The following ABCD4 variants were observed in gnomAD, a reference collection of about 807,000 sequenced individuals.
ABCD4 encodes ATP binding cassette subfamily D member 4.
ABCD4 carries 53 observed loss-of-function variants against 86.3 expected under a neutral mutation model. The ratio of observed to expected loss-of-function variants is 0.61; its 90% CI spans 0.49 to 0.77. ABCD4 has a LOEUF of 0.77. ABCD4 is among the 30% of genes least tolerant of loss of function. ABCD4 has a pLI of 0.00. For missense variants in ABCD4, 757 were observed against 764.5 expected, an observed-to-expected ratio of 0.99 and a Z score of 0.12; for synonymous variants, 328 against 313.6, an observed-to-expected ratio of 1.05 and a Z score of -0.49.
intron 4 of ABCD4, 139 bp downstream of exon 4, chr14:74,297,791 C>G: frequency 7.1e-7 from 1 of 1,416,410 alleles, no homozygotes; most frequent in Non-Finnish European, 9.2e-7. Flanking sequence ...GCAGGGCACC[C>G]TCCCCCATGA....
chr14:74,286,523 A>C lies in ABCD4; in HGVS notation c.1759T>G (p.Ser587Ala), dbSNP rs763880299. The part of the protein sequence containing the change: ...GHRQSLEKFH[S>A]LVLKLCGGGR... ...CCTCCACAGAGTTTCAGAACCAAGG[A>C]ATGAAACTACAAGAGACCACCACCA... Residue 587 changes from serine to alanine, a missense_variant, in exon 19 of 19, where the codon TCC becomes GCC. Transcript: ENST00000356924. 6.2e-7 allele frequency: 1 copy of C among 1,614,244 alleles called. No homozygotes were observed.
chr14:74,291,954 G>A (rs955562396), intron 11 of ABCD4, among the ~76,000 whole-genome samples: 1 of 152,182 alleles, frequency 6.6e-6, no homozygotes, highest in African/African-American at 2.4e-5. Flanking sequence ...TGAGGTGGGG[G>A]AACAAAGACA....
Position 74,292,879 on chromosome 14 carries a change from A to C in ABCD4, c.815-10T>G. 6.2e-7 allele frequency: 1 copy of C among 1,614,098 alleles called. No homozygotes were observed. The highest frequency in any genetic ancestry group is 8.5e-7 in the Non-Finnish European group (1 of 1,180,018). On this transcript the variant is annotated splice_polypyrimidine_tract_variant and intron_variant, in intron 8 of 18. Coordinates refer to ENST00000356924, the MANE Select transcript of ABCD4 (RefSeq NM_005050.4). ...AAGGTGTTGATGCCGACTGTAGAAAACACATCTGTGAGACACCCAGGAACC... is the reference window on the plus strand; with the variant it reads ...AAGGTGTTGATGCCGACTGTAGAAACCACATCTGTGAGACACCCAGGAACC...
Position 74,290,379 on chromosome 14 carries a change from C to T in ABCD4, c.1239G>A (p.Glu413=), listed in dbSNP as rs1367247098. The change falls in exon 12 of 19, where the codon GAG becomes GAA. Residue 413 remains glutamate (E), a synonymous_variant. Transcript: ENST00000356924. ...LIKDLSLKIS[E]GQSLLITGNT... Reference sequence around the variant, plus strand: ...TGCCTGTGATGAGCAGGCTCTGTCCCTCGGAGATCTTTAGGCTCAGATCCT... The same window carrying T: ...TGCCTGTGATGAGCAGGCTCTGTCCTTCGGAGATCTTTAGGCTCAGATCCT... 2 of 1,614,126 alleles carry T rather than the reference C, an allele frequency of 1.2e-6. No individual in the cohort carries two copies. Among genetic ancestry groups the T allele is most frequent in the East Asian group, 2.2e-5 (1 of 44,876 alleles).
At position 74,300,179 on chromosome 14, in the gene ABCD4, A is replaced by C. The variant is rs781295883; in HGVS notation, c.128T>G (p.Phe43Cys). 1.9e-6 allele frequency: 3 copies of C among 1,613,890 alleles called. No homozygotes were observed. Reference protein sequence around the residue: ...PSWSSQNALMFLTLLCLTLLE... With the variant: ...PSWSSQNALMCLTLLCLTLLE... ...TAGGGTCAGGCACAAAAGGGTCAGG[A>C]ACATCAAGGCATTTTGTGATGACCA... is the stretch of plus-strand genomic sequence containing the variant. The change falls in exon 2 of 19, where the codon TTC becomes TGC. Residue 43 changes from phenylalanine to cysteine, a missense_variant. Phe to Cys is a radical substitution (Grantham distance 205). Transcript: ENST00000356924.
chr14:74,288,678 G>A (rs1305063220), intron 15 of ABCD4, 38 bp downstream of exon 15: 2 of 1,607,776 alleles, frequency 1.2e-6, no homozygotes, highest in African/African-American at 1.3e-5. Context: ...GGTGCTCCCA[G>A]GTGGGCTCGG....
At chr14:74,291,748 G>C (rs1002205910) in intron 11 of ABCD4, among the ~76,000 whole-genome samples, 1 of 152,182 alleles carries the variant, frequency 6.6e-6, no homozygotes, top group Non-Finnish European at 1.5e-5. Flanking sequence ...CACTGTCCAA[G>C]CACTTTCCAT....
Position 74,290,012 on chromosome 14 carries a change from CT to C in ABCD4, c.1419+14del, listed in dbSNP as rs776783911. 10 of 1,614,052 alleles carry C rather than the reference CT, an allele frequency of 6.2e-6. No individual in the cohort carries two copies. In the East Asian group the frequency reaches 1.6e-4, roughly 25 times the overall value. On this transcript the variant is annotated intron_variant, in intron 13 of 18. Transcript: ENST00000356924. ...GGTTGAGGAGGGAGGAGTGAGCCCC[CT>C]GAACTAGACTGACCTGCTCCCGAAG... is the stretch of plus-strand genomic sequence containing the variant.
At chr14:74,287,328 G>A (rs1313988586) in intron 17 of ABCD4, among the ~76,000 whole-genome samples, 2 of 152,050 alleles carry the variant, frequency 1.3e-5, no homozygotes, top group South Asian at 2.1e-4. Context: ...GTGGGAGGAT[G>A]GCCTGAGTCC....
intron 12 of ABCD4, 60 bp from the exon 13 acceptor site, chr14:74,290,178 CCT>C: frequency 6.2e-7 from 1 of 1,611,414 alleles, no homozygotes; most frequent in African/African-American, 1.3e-5. Context: ...CTGCCTGTCT[CCT>C]CTCTTCCTTG....
chr14:74,300,189 C>A lies in ABCD4; in HGVS notation c.118G>T (p.Ala40Ser), dbSNP rs770231374. The change falls in exon 2 of 19, where the codon GCC (alanine) becomes TCC (serine). Residue 40 changes from alanine to serine, a missense_variant. Transcript: ENST00000356924. ...VLFPSWSSQN[A>S]LMFLTLLCLT... The stretch of plus-strand genomic sequence containing the variant: ...CACAAAAGGGTCAGGAACATCAAGG[C>A]ATTTTGTGATGACCAAGAAGGAAAC... The A allele has an allele frequency of 6.2e-7, 1 of 1,613,348 alleles. No individual in the cohort carries two copies. Among genetic ancestry groups the A allele is most frequent in the Non-Finnish European group, 8.5e-7 (1 of 1,179,790 alleles).
At chr14:74,298,335 G>A (rs1368930934) in intron 3 of ABCD4, among the ~76,000 whole-genome samples, 1 of 152,046 alleles carries the variant, frequency 6.6e-6, no homozygotes, top group African/African-American at 2.4e-5. Flanking sequence ...GCAATGGCGC[G>A]ATCTTGGCTC....
chr14:74,294,472 T>A (rs182104885), intron 7 of ABCD4: 18 of 152,516 alleles, frequency 1.2e-4, no homozygotes, highest in African/African-American at 3.9e-4. Context: ...CAGCAGAGAC[T>A]GAGGAGCAAA....
intron 6 of ABCD4, 123 bp downstream of exon 6, chr14:74,295,729 ACC>A: frequency 7.6e-7 from 1 of 1,313,410 alleles, no homozygotes; most frequent in Non-Finnish European, 1.1e-6. Context: ...GAGGTTAAAG[ACC>A]TCTCCAAGAT....
chr14:74,297,661 G>C (rs1300625667), intron 4 of ABCD4: 21 of 1,119,524 alleles, frequency 1.9e-5, no homozygotes, highest in Non-Finnish European at 2.3e-5. Context: ...CTGGGCTCAA[G>C]TGATCCTCCT....
rs376137295 is a variant in ABCD4, at chr14:74,290,137, C to T, written c.1328-19G>A. ...ACTGAGCCTGCAGAGCCCACAGAAA[C>T]CTCCATTGTGAGATCTCCCAGAAGA... is the stretch of plus-strand genomic sequence containing the variant. On this transcript the variant is annotated intron_variant, in intron 12 of 18. Coordinates refer to ENST00000356924, the MANE Select transcript of ABCD4 (RefSeq NM_005050.4). 1.2e-6 allele frequency: 2 copies of T among 1,614,130 alleles called. No individual in the cohort carries two copies. The highest frequency in any genetic ancestry group is 3.3e-5 in the Admixed American group (2 of 60,026).
chr14:74,296,304 C>T lies in ABCD4; in HGVS notation c.542+29G>A, dbSNP rs369354803. ...GCTGACTGAGGGCCCTCTGGGGAAA[C>T]ACCAGGCTGGGGAGGAGGGAGGCTT... On this transcript the variant is annotated intron_variant, in intron 5 of 18. Coordinates refer to ENST00000356924, the MANE Select transcript of ABCD4 (RefSeq NM_005050.4). The T allele has an allele frequency of 5.2e-5, 84 of 1,605,384 alleles. No homozygotes were observed. In the African/African-American group the frequency reaches 9.9e-4, roughly 19 times the overall value.
At chr14:74,301,160 CTTTT>C (rs36088801) in intron 1 of ABCD4, among the ~76,000 whole-genome samples, 3 of 124,320 alleles carry the variant, frequency 2.4e-5, no homozygotes, top group Non-Finnish European at 3.3e-5. Context: ...GGCCTAAAAT[CTTTT>C]TTTTTTTTTT....
At chr14:74,289,374 G>T (rs1236767544) in intron 14 of ABCD4, 109 bp downstream of exon 14, 3 of 1,519,110 alleles carry the variant, frequency 2.0e-6, no homozygotes, top group East Asian at 4.7e-5. Flanking sequence ...CCTTGAATCA[G>T]CGGCCTGGCT....
Sources: allele counts gnomAD v4.1 joint callset (sites outside exome capture counted in the v4.1 genomes callset), GRCh38; gene constraint gnomAD v4.1.1; transcripts MANE v1.5; gene names NCBI Gene and HGNC (gene_info 2026-07-23, HGNC 2026-07-21).